Variants in SIL1 observed in about 807,000 individuals in gnomAD.
SIL1 encodes the protein nucleotide exchange factor SIL1.
A neutral mutation model predicts 49.1 loss-of-function variants in SIL1; 40 were observed. The observed-to-expected ratio is 0.81, with a 90% CI of 0.63 to 1.06. SIL1 has a LOEUF of 1.06. Among genes scored for constraint, SIL1 ranks in the 50% least tolerant of loss-of-function variants. SIL1 has a pLI of 0.00. For missense variants in SIL1, 500 were observed against 572.6 expected, an observed-to-expected ratio of 0.87 and a Z score of 1.29; for synonymous variants, 253 against 250.8, an observed-to-expected ratio of 1.01 and a Z score of -0.08.
intron 5 of SIL1, chr5:139,035,154 A>G: frequency 3.0e-6 from 1 of 327,962 alleles, no homozygotes; most frequent in Non-Finnish European, 5.9e-6. Context: ...GTGCTTAACT[A>G]GCTGGGCATT....
chr5:139,064,461 C>G (rs1056169885), intron 3 of SIL1, among the ~76,000 whole-genome samples: 2 of 152,196 alleles, frequency 1.3e-5, no homozygotes, highest in African/African-American at 4.8e-5. Context: ...ATATAAACAA[C>G]TGGTCCTAAG....
At chr5:139,089,339 G>A (rs1366413336) in intron 3 of SIL1, among the ~76,000 whole-genome samples, 1 of 152,092 alleles carries the variant, frequency 6.6e-6, no homozygotes, top group African/African-American at 2.4e-5. Flanking sequence ...TCCACTCTCA[G>A]TGGAGGCCTG....
chr5:139,076,849 G>A (rs989759694), intron 3 of SIL1, among the ~76,000 whole-genome samples: 25 of 152,274 alleles, frequency 1.6e-4, no homozygotes, highest in South Asian at 4.1e-4. Flanking sequence ...AGCAATTCTC[G>A]GCCGGGCACA....
chr5:139,127,963 T>C (rs1263441425), intron 1 of SIL1, 110 bp from the exon 2 acceptor site: 6 of 739,634 alleles, frequency 8.1e-6, no homozygotes, highest in African/African-American at 5.2e-5. Context: ...ATTTCCTGCA[T>C]AGAGGTATAA....
At chr5:139,086,965 G>GATA (rs1252679389) in intron 3 of SIL1, among the ~76,000 whole-genome samples, 3 of 151,070 alleles carry the variant, frequency 2.0e-5, no homozygotes, top group Non-Finnish European at 4.4e-5. Context: ...ATTTGAAAAA[G>GATA]ATAATAATAA....
chr5:139,068,606 G>C (rs1042041870), intron 3 of SIL1, among the ~76,000 whole-genome samples: 4 of 122,228 alleles, frequency 3.3e-5, no homozygotes, highest in Non-Finnish European at 6.7e-5. Context: ...AACACTACCT[G>C]AAAACAAGAG....
At chr5:139,139,348 C>A (rs1444840617) in intron 1 of SIL1, among the ~76,000 whole-genome samples, 1 of 152,116 alleles carries the variant, frequency 6.6e-6, no homozygotes, top group Non-Finnish European at 1.5e-5. Flanking sequence ...TCTTTCCTTT[C>A]CCCTGATGTC....
intron 7 of SIL1, 105 bp downstream of exon 7, chr5:139,021,066 T>G: frequency 4.6e-6 from 7 of 1,507,090 alleles, no homozygotes; most frequent in Non-Finnish European, 5.5e-6. Context: ...TTCATTGAGA[T>G]GACACTGAAA....
intron 1 of SIL1, among the ~76,000 whole-genome samples, chr5:139,158,718 A>G (rs76799836): frequency 6.6e-6 from 1 of 152,210 alleles, no homozygotes; most frequent in Non-Finnish European, 1.5e-5. Flanking sequence ...GGCAGATGAG[A>G]AAAAAAGGTA....
rs551887742 is a variant in SIL1 at position 139,021,152 on chromosome 5, C to T, written c.767+19G>A. ...GGCCAAGCAATTCTGGCCATTGGGA[C>T]GTCCATTATACTGCTCACCTGGAAA... On this transcript the variant is annotated intron_variant, in intron 7 of 9. Transcript: ENST00000394817. The T allele has an allele frequency of 1.2e-5, 19 of 1,614,110 alleles. No homozygotes were observed. In the East Asian group the frequency reaches 1.8e-4, roughly 15 times the overall value.
intron 6 of SIL1, among the ~76,000 whole-genome samples, chr5:139,023,638 G>A (rs1429689511): frequency 1.6e-4 from 24 of 152,200 alleles, no homozygotes; most frequent in Non-Finnish European, 1.5e-5. Flanking sequence ...TGGCAGACCT[G>A]GTTTGGGTCC....
At chr5:139,167,794 C>T (rs937340300) in intron 1 of SIL1, among the ~76,000 whole-genome samples, 1 of 152,160 alleles carries the variant, frequency 6.6e-6, no homozygotes, top group Non-Finnish European at 1.5e-5. Context: ...AGAGCAACTT[C>T]CAGTCCTGCA....
At chr5:139,166,928 C>A (rs1303719782) in intron 1 of SIL1, among the ~76,000 whole-genome samples, 2 of 152,208 alleles carry the variant, frequency 1.3e-5, no homozygotes, top group Non-Finnish European at 2.9e-5. Context: ...CCTGCCTCAG[C>A]CTCCCAAGTA....
At chr5:139,056,365 G>A (rs1304660229) in intron 3 of SIL1, among the ~76,000 whole-genome samples, 5 of 148,008 alleles carry the variant, frequency 3.4e-5, no homozygotes, top group East Asian at 2.1e-4. Context: ...CGGCCAACCC[G>A]TCTGAGAAGT....
At chr5:138,975,460 C>A (rs1767374969) in intron 7 of SIL1, among the ~76,000 whole-genome samples, 1 of 152,156 alleles carries the variant, frequency 6.6e-6, no homozygotes, top group African/African-American at 2.4e-5. Context: ...GACAAGGGTC[C>A]ATGAGGTGAC....
At chr5:139,094,604 G>A (rs1261322851) in intron 3 of SIL1, among the ~76,000 whole-genome samples, 1 of 152,198 alleles carries the variant, frequency 6.6e-6, no homozygotes, top group Non-Finnish European at 1.5e-5. Context: ...TGGACTTACA[G>A]AAAACTCAGT....
At chr5:139,067,500 T>A (rs1769732572) in intron 3 of SIL1, among the ~76,000 whole-genome samples, 1 of 152,096 alleles carries the variant, frequency 6.6e-6, no homozygotes, top group Admixed American at 6.5e-5. Flanking sequence ...CAAGCAGAAG[T>A]GGTTGGTGGT....
chr5:139,021,578 A>T (rs1259047996), intron 6 of SIL1, among the ~76,000 whole-genome samples: 1 of 152,242 alleles, frequency 6.6e-6, no homozygotes. Context: ...TTCTAATATC[A>T]TAATGAGTCA....
At chr5:139,163,210 A>G (rs1479976865) in intron 1 of SIL1, among the ~76,000 whole-genome samples, 1 of 152,094 alleles carries the variant, frequency 6.6e-6, no homozygotes, top group African/African-American at 2.4e-5. Context: ...GTGAGCCCAA[A>G]GGGCGTCAGG....
Sources: allele counts gnomAD v4.1 joint callset (sites outside exome capture counted in the v4.1 genomes callset), GRCh38; gene constraint gnomAD v4.1.1; transcripts MANE v1.5; gene names NCBI Gene and HGNC (gene_info 2026-07-23, HGNC 2026-07-21).